Variants in ZC3H14 observed in about 807,000 individuals in gnomAD.
ZC3H14 encodes the protein zinc finger CCCH domain-containing protein 14.
ZC3H14 carries 31 observed loss-of-function variants against 92.4 expected under a neutral mutation model. The ratio of observed to expected loss-of-function variants is 0.34; its 90% CI spans 0.25 to 0.45. The LOEUF (loss-of-function observed/expected upper bound fraction) is 0.45, where lower values mean the gene tolerates loss of function less well. Among genes scored for constraint, ZC3H14 ranks in the 20% least tolerant of loss-of-function variants. The pLI is 1.00. For synonymous variants in ZC3H14, 321 were observed against 300.9 expected, an observed-to-expected ratio of 1.07 and a Z score of -0.69; for missense variants, 781 against 897.3, an observed-to-expected ratio of 0.87 and a Z score of 1.66.
Position 88,606,617 on chromosome 14 carries a change from A to T in ZC3H14, c.1748-626A>T, listed in dbSNP as rs371207763. On this transcript the variant is annotated intron_variant, in intron 12 of 16. Coordinates refer to ENST00000251038, the MANE Select transcript of ZC3H14 (RefSeq NM_024824.5). ...AAACCCTGTAGCCAGGCGTGGTGGC[A>T]CGTGCTACTTGGTAGGGGCTGAGGT... is the stretch of plus-strand genomic sequence containing the variant. 1.4e-4 allele frequency among the ~76,000 whole-genome samples: 22 copies of T among 152,154 alleles called. No individual in the cohort carries two copies. The East Asian group carries it at 3.1e-3, about 21-fold the overall frequency.
At chr14:88,602,559 C>G (rs531521583) in intron 11 of ZC3H14, among the ~76,000 whole-genome samples, 31 of 152,214 alleles carry the variant, frequency 2.0e-4, no homozygotes, top group Admixed American at 1.6e-3. Flanking sequence ...CTATGAAGAT[C>G]GAATGGGTGA....
chr14:88,580,251 G>T (rs1416253433), intron 9 of ZC3H14, among the ~76,000 whole-genome samples: 1 of 152,178 alleles, frequency 6.6e-6, no homozygotes, highest in Non-Finnish European at 1.5e-5. Flanking sequence ...GTTGCAGTGA[G>T]CCATGATCAT....
intron 7 of ZC3H14, 128 bp downstream of exon 7, chr14:88,574,981 G>C (rs2080971257): frequency 7.0e-7 from 1 of 1,423,034 alleles, no homozygotes; most frequent in Admixed American, 2.0e-5. Context: ...CTGTCAACCA[G>C]GCTGGAGTGC....
intron 2 of ZC3H14, among the ~76,000 whole-genome samples, chr14:88,566,889 C>T (rs1471483790): frequency 6.7e-6 from 1 of 149,858 alleles, no homozygotes; most frequent in Non-Finnish European, 1.5e-5. Flanking sequence ...CACTACACTC[C>T]AACCTGGGAG....
chr14:88,603,741 A>G (rs1039004062), intron 12 of ZC3H14, among the ~76,000 whole-genome samples: 2 of 152,228 alleles, frequency 1.3e-5, no homozygotes, highest in African/African-American at 2.4e-5. Flanking sequence ...GGCAGGAGGG[A>G]TAATTACTCA....
Position 88,621,536 on chromosome 14 carries a change from T to A in ZC3H14, c.*9785T>A, listed in dbSNP as rs1367461086. The A allele has an allele frequency of 1.6e-5, 9 of 546,726 alleles. No homozygotes were observed. The South Asian group carries it at 1.8e-4, about 11-fold the overall frequency. 33.9% of individuals were successfully genotyped at this position (546,726 alleles called of 1,614,324 possible). ...AGTCCATGCTACAGAATAGAACTTT[T>A]CTGTGGCAGTACACCTGGATTCTTC... On this transcript the variant is annotated 3_prime_UTR_variant, in exon 17 of 17. Coordinates refer to ENST00000251038, the MANE Select transcript of ZC3H14 (RefSeq NM_024824.5).
chr14:88,610,800 T>G, intron 15 of ZC3H14, 34 bp from the exon 16 acceptor site: 1 of 1,576,014 alleles, frequency 6.3e-7, no homozygotes, highest in Non-Finnish European at 8.7e-7. Context: ...ATTAGCCTTG[T>G]GGATATTGTT....
Position 88,613,903 on chromosome 14 carries a change from C to G in ZC3H14, c.*2152C>G, listed in dbSNP as rs940331368. ...ACCTTCCCCTCGTTGCTGGCTGATA[C>G]AGCGAGGTGGTCAGCTGATGACTAC... On this transcript the variant is annotated 3_prime_UTR_variant, in exon 17 of 17. Coordinates refer to ENST00000251038, the MANE Select transcript of ZC3H14 (RefSeq NM_024824.5). 4 of 152,198 alleles carry G rather than the reference C, an allele frequency of 2.6e-5. No individual in the cohort carries two copies. Among genetic ancestry groups the G allele is most frequent in the Non-Finnish European group, 5.9e-5 (4 of 68,034 alleles). 9.4% of individuals were successfully genotyped at this position (152,198 alleles called of 1,614,324 possible). A position where few individuals can be genotyped will look rare whatever the true frequency, so the allele number is the denominator to read the frequency against.
Position 88,615,931 on chromosome 14 carries a change from T to C in ZC3H14, c.*4180T>C, listed in dbSNP as rs924165258. 10 of 1,498,146 alleles carry C rather than the reference T, an allele frequency of 6.7e-6. No homozygotes were observed. Among genetic ancestry groups the C allele is most frequent in the African/African-American group, 1.4e-5 (1 of 71,764 alleles). 92.8% of individuals were successfully genotyped at this position (1,498,146 alleles called of 1,614,324 possible). ...ATAACAGTTTAATATTTTTCAGTTG[T>C]GCTTTCAGGTTACATGTGTAATATT... is the stretch of plus-strand genomic sequence containing the variant. On this transcript the variant is annotated 3_prime_UTR_variant, in exon 17 of 17. Coordinates refer to ENST00000251038, the MANE Select transcript of ZC3H14 (RefSeq NM_024824.5).
intron 3 of ZC3H14, among the ~76,000 whole-genome samples, chr14:88,568,906 AG>A (rs1388476365): frequency 6.6e-6 from 1 of 151,876 alleles, no homozygotes; most frequent in Admixed American, 6.6e-5. Context: ...TTTTTGAGAC[AG>A]GGTCTTGCTC....
At chr14:88,609,050 G>A in intron 13 of ZC3H14, 1 of 569,798 alleles carries the variant, frequency 1.8e-6, no homozygotes, top group Non-Finnish European at 3.0e-6. Flanking sequence ...GGCTTGGCTT[G>A]AGTTAAAAGC....
At chr14:88,587,648 T>A (rs1434845249) in intron 9 of ZC3H14, among the ~76,000 whole-genome samples, 1 of 152,200 alleles carries the variant, frequency 6.6e-6, no homozygotes, top group Non-Finnish European at 1.5e-5. Flanking sequence ...TTTACACTGT[T>A]AAGACTATTT....
chr14:88,567,991 G>GAAAGTTTTGAGGAAAC (rs1274243419), intron 2 of ZC3H14, 48 bp from the exon 3 acceptor site: 7 of 1,492,750 alleles, frequency 4.7e-6, no homozygotes, highest in Non-Finnish European at 6.5e-6. Flanking sequence ...ACTTTAAGAA[G>GAAAGTTTTGAGGAAAC]AAAGTTTTGA....
At chr14:88,584,283 A>C (rs1271991016) in intron 9 of ZC3H14, among the ~76,000 whole-genome samples, 1 of 152,160 alleles carries the variant, frequency 6.6e-6, no homozygotes, top group African/African-American at 2.4e-5. Context: ...TATTGGAAAT[A>C]TTTTTTGAGA....
rs1595168974 is a variant in ZC3H14, at chr14:88,614,912, A to G, written c.*3161A>G. Reference sequence around the variant, plus strand: ...TTTATTCCAAGAGTGATTAAATTGTATAATGTTGTATATGTGAATTTAACA... The same window carrying G: ...TTTATTCCAAGAGTGATTAAATTGTGTAATGTTGTATATGTGAATTTAACA... On this transcript the variant is annotated 3_prime_UTR_variant, in exon 17 of 17. Coordinates refer to ENST00000251038, the MANE Select transcript of ZC3H14 (RefSeq NM_024824.5). 1 of 152,234 alleles carries G rather than the reference A, an allele frequency of 6.6e-6. No homozygotes were observed. The highest frequency in any genetic ancestry group is 2.4e-5 in the African/African-American group (1 of 41,472). 9.4% of individuals were successfully genotyped at this position (152,234 alleles called of 1,614,324 possible). A position where few individuals can be genotyped will look rare whatever the true frequency, so the allele number is the denominator to read the frequency against.
chr14:88,606,747 T>TAAAAAA (rs34408574), intron 12 of ZC3H14, among the ~76,000 whole-genome samples: 7 of 95,870 alleles, frequency 7.3e-5, no homozygotes, highest in Non-Finnish European at 1.4e-4. Flanking sequence ...GACCCTGTCG[T>TAAAAAA]AAAAAAAAAA....
chr14:88,586,959 A>G (rs1395465858), intron 9 of ZC3H14, among the ~76,000 whole-genome samples: 1 of 152,082 alleles, frequency 6.6e-6, no homozygotes, highest in Non-Finnish European at 1.5e-5. Context: ...TTCTTCATTG[A>G]CCAACTAGAT....
Position 88,563,177 on chromosome 14 carries a change from C to T in ZC3H14, c.36+8C>T. 1 of 1,603,712 alleles carries T rather than the reference C, an allele frequency of 6.2e-7. No homozygotes were observed. Among genetic ancestry groups the T allele is most frequent in the Non-Finnish European group, 8.5e-7 (1 of 1,176,794 alleles). On this transcript the variant is annotated splice_region_variant and intron_variant, in intron 1 of 16. Transcript: ENST00000251038. ...ATCAGCCGCAAGATCCGGGTGAGGC[C>T]CGTGCCGGTCGGGGGTGGGAAGCCA...
At chr14:88,603,673 A>G (rs570266295) in intron 12 of ZC3H14, among the ~76,000 whole-genome samples, 133 of 152,316 alleles carry the variant, frequency 8.7e-4, no homozygotes, top group African/African-American at 3.1e-3. Flanking sequence ...CATTCATGAT[A>G]GAGAATGGTA....
Sources: gnomAD v4.1 joint callset for allele counts (sites outside exome capture counted in the v4.1 genomes callset) on GRCh38, gnomAD v4.1.1 for gene constraint, MANE v1.5 for transcripts, NCBI Gene and HGNC (gene_info 2026-07-23, HGNC 2026-07-21) for gene names.